Variants in CMIP observed in about 807,000 individuals in gnomAD.
CMIP encodes c-Maf inducing protein.
In CMIP, 13 loss-of-function variants were observed where a neutral mutation model predicts 97.3. The ratio of observed to expected loss-of-function variants is 0.13; its 90% CI spans 0.09 to 0.21. The LOEUF is 0.21. Among genes scored for constraint, CMIP ranks in the 10% least tolerant of loss-of-function variants. The pLI, the probability that CMIP is intolerant of heterozygous loss-of-function variation, is 1.00. For synonymous variants in CMIP, 538 were observed against 436.3 expected, an observed-to-expected ratio of 1.23 and a Z score of -2.91; for missense variants, 847 against 1,024.9, an observed-to-expected ratio of 0.83 and a Z score of 2.37.
intron 1 of CMIP, among the ~76,000 whole-genome samples, chr16:81,493,360 TCG>T: frequency 1.3e-5 from 1 of 79,950 alleles, no homozygotes; most frequent in Non-Finnish European, 2.5e-5. Flanking sequence ...GCGTTACCTG[TCG>T]TTACCTGTCG....
chr16:81,609,792 T>TG (rs1425829652), intron 2 of CMIP, among the ~76,000 whole-genome samples: 1 of 152,102 alleles, frequency 6.6e-6, no homozygotes, highest in African/African-American at 2.4e-5. Flanking sequence ...CCTGGGTACT[T>TG]GCTGCAGCTG....
At chr16:81,487,549 C>G (rs1009419856) in intron 1 of CMIP, among the ~76,000 whole-genome samples, 3 of 152,204 alleles carry the variant, frequency 2.0e-5, no homozygotes, top group African/African-American at 7.2e-5. Flanking sequence ...AGCAACTCCT[C>G]TCCCAAGGCG....
At chr16:81,541,092 A>G (rs759563732) in intron 1 of CMIP, among the ~76,000 whole-genome samples, 12 of 151,688 alleles carry the variant, frequency 7.9e-5, no homozygotes, top group Non-Finnish European at 1.0e-4. Flanking sequence ...ATTATGTACT[A>G]TATATATAAG....
At chr16:81,468,812 C>T (rs1907357569) in intron 1 of CMIP, among the ~76,000 whole-genome samples, 1 of 152,236 alleles carries the variant, frequency 6.6e-6, no homozygotes, top group South Asian at 2.1e-4. Context: ...CTGGGCAGAA[C>T]ACAGCATTGG....
intron 1 of CMIP, among the ~76,000 whole-genome samples, chr16:81,582,591 T>G (rs1397299943): frequency 6.6e-6 from 1 of 152,064 alleles, no homozygotes; most frequent in Non-Finnish European, 1.5e-5. Context: ...GAGACCACTT[T>G]CCAGCAAACA....
chr16:81,593,563 C>G lies in CMIP; in HGVS notation c.301-14004C>G, dbSNP rs550229934. Among the ~76,000 whole-genome samples the G allele has an allele frequency of 2.6e-5, 4 of 152,340 alleles. No individual in the cohort carries two copies. In the South Asian group the frequency reaches 8.3e-4, roughly 32 times the overall value. On this transcript the variant is annotated intron_variant, in intron 1 of 20. Coordinates refer to ENST00000537098, the MANE Select transcript of CMIP (RefSeq NM_198390.3). Reference sequence around the variant, plus strand: ...CCTCTCCGCTCTTTTCGGAGTAATCCGTGGATGATGGAGGAGCTTGGCAAG... The same window carrying G: ...CCTCTCCGCTCTTTTCGGAGTAATCGGTGGATGATGGAGGAGCTTGGCAAG...
chr16:81,639,751 G>A (rs2092281452), intron 3 of CMIP, among the ~76,000 whole-genome samples: 1 of 152,198 alleles, frequency 6.6e-6, no homozygotes, highest in Non-Finnish European at 1.5e-5. Flanking sequence ...GCTCAAAAAA[G>A]TCCTGATGCA....
intron 1 of CMIP, among the ~76,000 whole-genome samples, chr16:81,544,991 T>G (rs1355795581): frequency 6.6e-6 from 1 of 152,138 alleles, no homozygotes; most frequent in Non-Finnish European, 1.5e-5. Flanking sequence ...CATTTTCATC[T>G]CCTGCCAGTT....
At chr16:81,707,954 A>C (rs1026872328) in intron 20 of CMIP, among the ~76,000 whole-genome samples, 2 of 152,178 alleles carry the variant, frequency 1.3e-5, no homozygotes, top group South Asian at 2.1e-4. Flanking sequence ...GCCGGGGCCC[A>C]CCTCCTACAG....
chr16:81,677,414 G>A (rs1904383635), intron 9 of CMIP, among the ~76,000 whole-genome samples: 1 of 152,178 alleles, frequency 6.6e-6, no homozygotes, highest in Non-Finnish European at 1.5e-5. Context: ...GAGCATCTGT[G>A]TGACTGCACT....
chr16:81,706,018 C>T (rs376773591), intron 19 of CMIP, among the ~76,000 whole-genome samples: 3 of 152,314 alleles, frequency 2.0e-5, no homozygotes, highest in East Asian at 3.9e-4. Context: ...GACTCAGACA[C>T]CGTACGGTAA....
chr16:81,523,842 C>A (rs1255721028), intron 1 of CMIP, among the ~76,000 whole-genome samples: 1 of 152,228 alleles, frequency 6.6e-6, no homozygotes, highest in Admixed American at 6.5e-5. Flanking sequence ...AGCTAGGAGC[C>A]TGGATGTAAC....
chr16:81,571,733 G>T (rs1018779566), intron 1 of CMIP, among the ~76,000 whole-genome samples: 2 of 152,068 alleles, frequency 1.3e-5, no homozygotes, highest in African/African-American at 4.8e-5. Flanking sequence ...TGAGCACGTC[G>T]TGCACCTTGC....
At chr16:81,578,567 T>C (rs1206714961) in intron 1 of CMIP, among the ~76,000 whole-genome samples, 2 of 152,354 alleles carry the variant, frequency 1.3e-5, no homozygotes, top group East Asian at 1.9e-4. Context: ...AGAGCTGTCC[T>C]TGTGAATTTC....
Position 81,606,252 on chromosome 16 carries a change from C to T in CMIP, c.301-1315C>T, listed in dbSNP as rs186953929. On this transcript the variant is annotated intron_variant, in intron 1 of 20. Coordinates refer to ENST00000537098, the MANE Select transcript of CMIP (RefSeq NM_198390.3). ...TGGGCAAATCACGTGACCTCCTGAGCCTCAGCTTCCTTGTCTATATGATGG... is the reference window on the plus strand; with the variant it reads ...TGGGCAAATCACGTGACCTCCTGAGTCTCAGCTTCCTTGTCTATATGATGG... Among the ~76,000 whole-genome samples, 10 of 152,334 alleles carry T rather than the reference C, an allele frequency of 6.6e-5. No individual in the cohort carries two copies. In the East Asian group the frequency reaches 7.7e-4, roughly 12 times the overall value.
In CMIP at chr16:81,699,673, C is replaced by T; in HGVS notation, c.1639-12C>T. The T allele has an allele frequency of 6.3e-7, 1 of 1,583,028 alleles. No individual in the cohort carries two copies. ...GTCTCTGTCCCTTCACCTGGGCCTT[C>T]TTGCCTCACAGGTGCACATCCTCAT... On this transcript the variant is annotated splice_polypyrimidine_tract_variant and intron_variant, in intron 14 of 20. Coordinates refer to ENST00000537098, the MANE Select transcript of CMIP (RefSeq NM_198390.3).
chr16:81,682,579 A>G lies in CMIP; in HGVS notation c.1388+3951A>G, dbSNP rs545866006. On this transcript the variant is annotated intron_variant, in intron 10 of 20. Coordinates refer to ENST00000537098, the MANE Select transcript of CMIP (RefSeq NM_198390.3). ...AGACTCCCATCTCCAAAAAAAAAAA[A>G]AAGATGACTTTATGTGGAATTGAAG... 1.4e-4 allele frequency among the ~76,000 whole-genome samples: 22 copies of G among 152,334 alleles called. No homozygotes were observed. In the South Asian group the frequency reaches 4.3e-3, roughly 30 times the overall value.
chr16:81,567,762 C>T (rs1307960245), intron 1 of CMIP, among the ~76,000 whole-genome samples: 1 of 152,200 alleles, frequency 6.6e-6, no homozygotes, highest in Non-Finnish European at 1.5e-5. Context: ...AGGGCATTTG[C>T]CTTATTTCGT....
intron 3 of CMIP, among the ~76,000 whole-genome samples, chr16:81,650,970 T>G (rs1468386658): frequency 6.6e-6 from 1 of 152,150 alleles, no homozygotes; most frequent in East Asian, 1.9e-4. Flanking sequence ...TTGATAGCGG[T>G]GGGTCCCTTG....
Sources: allele counts gnomAD v4.1 joint callset (sites outside exome capture counted in the v4.1 genomes callset), GRCh38; gene constraint gnomAD v4.1.1; transcripts MANE v1.5; gene names NCBI Gene and HGNC (gene_info 2026-07-23, HGNC 2026-07-21).